The following TSPAN16 variants were observed in gnomAD, a reference collection of about 807,000 sequenced individuals.
TSPAN16 encodes tetraspanin-16.
TSPAN16 carries 23 observed loss-of-function variants against 25.2 expected under a neutral mutation model. That is an observed-to-expected ratio of 0.91 (90% confidence interval 0.66 to 1.29). TSPAN16 has a LOEUF of 1.29. TSPAN16 is among the 50% of genes most tolerant of loss of function. The probability of loss-of-function intolerance (pLI) is 0.00; values close to 1 mark genes in which losing one functional copy is unlikely to be tolerated. For missense variants in TSPAN16, 272 were observed against 299.9 expected (o/e 0.91, Z 0.69); for synonymous variants, 123 against 124.4 (o/e 0.99, Z 0.08).
intron 4 of TSPAN16, among the ~76,000 whole-genome samples, chr19:11,303,577 T>TA (rs1322861353): frequency 0.11 from 8,979 of 78,274 alleles, 534 homozygotes; most frequent in East Asian, 0.33. Flanking sequence ...ATAAATAAAT[T>TA]AAAAAAAAAA....
chr19:11,322,352 A>AAG (rs1363434242), intron 6 of TSPAN16: 1 of 151,332 alleles, frequency 6.6e-6, no homozygotes, highest in Non-Finnish European at 1.5e-5. Flanking sequence ...GAAAAAGAAG[A>AAG]AGAAAAAAAA....
Position 11,301,138 on chromosome 19 carries a change from C to G in TSPAN16, c.343-63C>G, listed in dbSNP as rs117954196. 3.8e-4 allele frequency: 529 copies of G among 1,393,634 alleles called. 1 individual carries two copies. In the East Asian group the frequency reaches 0.012, roughly 31 times the overall value. 86.3% of individuals were successfully genotyped at this position (1,393,634 alleles called of 1,614,324 possible). ...CCTCCCACTCTATCCTCAAGAACCT[C>G]GGCCAATGAACGGGCCACTCTTGCT... is the stretch of plus-strand genomic sequence containing the variant. On this transcript the variant is annotated intron_variant, in intron 3 of 6. Coordinates refer to ENST00000590327, the MANE Select transcript of TSPAN16 (RefSeq NM_001282509.2).
downstream of TSPAN16, chr19:11,316,047 C>A: frequency 1.2e-6 from 1 of 838,884 alleles, no homozygotes; most frequent in Non-Finnish European, 1.6e-6. Flanking sequence ...GAGACTATGC[C>A]CTTTCTCATA....
At chr19:11,300,975 A>C (rs986082876) in intron 3 of TSPAN16, 1 of 504,414 alleles carries the variant, frequency 2.0e-6, no homozygotes, top group Admixed American at 3.2e-5. Flanking sequence ...ACAGAGAGAT[A>C]CGCTTGGCTC....
chr19:11,303,751 T>A (rs1284973851), intron 4 of TSPAN16, among the ~76,000 whole-genome samples: 1 of 151,120 alleles, frequency 6.6e-6, no homozygotes, highest in Non-Finnish European at 1.5e-5. Flanking sequence ...TGCAGGAGTC[T>A]AATTTCTCCA....
intron 6 of TSPAN16, chr19:11,325,094 C>T (rs951168128): frequency 3.5e-5 from 10 of 288,176 alleles, no homozygotes; most frequent in South Asian, 1.9e-4. Flanking sequence ...AAGAGTGGGA[C>T]GTGTCACCCA....
intron 5 of TSPAN16, among the ~76,000 whole-genome samples, chr19:11,308,264 C>T (rs1472523698): frequency 1.3e-5 from 2 of 151,812 alleles, no homozygotes; most frequent in East Asian, 3.9e-4. Context: ...GAAATCAGAG[C>T]CAGGGCAACA....
At chr19:11,298,825 G>A (rs761973576) in intron 2 of TSPAN16, 47 bp from the exon 3 acceptor site, 2 of 1,568,342 alleles carry the variant, frequency 1.3e-6, no homozygotes. Context: ...AAGGTCGGGA[G>A]GAGGCTGAGC....
intron 5 of TSPAN16, among the ~76,000 whole-genome samples, chr19:11,310,432 T>C (rs1358609185): frequency 1.3e-5 from 2 of 151,706 alleles, no homozygotes; most frequent in African/African-American, 4.8e-5. Context: ...GGAGAATTGC[T>C]TGAACCCGGG....
At chr19:11,307,811 TC>T (rs1163045843) in intron 5 of TSPAN16, 1 of 152,190 alleles carries the variant, frequency 6.6e-6, no homozygotes, top group African/African-American at 2.4e-5. Flanking sequence ...TATTGAGTGT[TC>T]AGCTTATTTT....
intron 6 of TSPAN16, chr19:11,325,275 C>T (rs1023937898): frequency 7.6e-6 from 5 of 653,868 alleles, no homozygotes; most frequent in African/African-American, 7.4e-5. Flanking sequence ...ATGCAGGAGT[C>T]GGGGAGCAGT....
At position 11,314,710 on chromosome 19, in the gene TSPAN16, TG is replaced by T. The variant is rs1297466878; in HGVS notation, c.688-1077del. On this transcript the variant is annotated intron_variant, in intron 6 of 6. Coordinates refer to ENST00000590327, the MANE Select transcript of TSPAN16 (RefSeq NM_001282509.2). The stretch of plus-strand genomic sequence containing the variant: ...ATGAGGCGCCCAGGAGCTAAAGACA[TG>T]GGGAACTTTTATTTCTCCTAGGCCT... Among the ~76,000 whole-genome samples, 3 of 151,816 alleles carry T rather than the reference TG, an allele frequency of 2.0e-5. No homozygotes were observed. The East Asian group carries it at 5.8e-4, about 29-fold the overall frequency.
At chr19:11,326,838 G>A (rs1316322732) in exon 7 of TSPAN16, 3 of 663,372 alleles carry the variant, frequency 4.5e-6, no homozygotes, top group Non-Finnish European at 5.5e-6. Context: ...TTGAACTGCT[G>A]GCCTAAAGCG....
chr19:11,312,100 C>T (rs1364159623), intron 5 of TSPAN16, 39 bp from the exon 6 acceptor site: 1 of 1,555,218 alleles, frequency 6.4e-7, no homozygotes, highest in Non-Finnish European at 8.8e-7. Flanking sequence ...CCATAAGCCC[C>T]TAACCACCTC....
chr19:11,315,739 G>A (rs2080743028), intron 6 of TSPAN16, 52 bp from the exon 7 acceptor site: 2 of 1,210,426 alleles, frequency 1.7e-6, no homozygotes, highest in African/African-American at 3.1e-5. Flanking sequence ...GTATGATTCT[G>A]GTTTGGAGGT....
intron 1 of TSPAN16, 38 bp from the exon 2 acceptor site, chr19:11,298,104 C>T (rs1555702730): frequency 1.2e-6 from 2 of 1,601,978 alleles, no homozygotes; most frequent in South Asian, 2.2e-5. Context: ...ATACAACTAA[C>T]AGATTACTTT....
intron 2 of TSPAN16, among the ~76,000 whole-genome samples, chr19:11,298,560 G>A (rs765005145): frequency 6.6e-6 from 1 of 151,692 alleles, no homozygotes; most frequent in African/African-American, 2.4e-5. Flanking sequence ...TCAGCCTCCC[G>A]AGTAGCTGGG....
chr19:11,303,322 G>A (rs1442441803), intron 4 of TSPAN16, among the ~76,000 whole-genome samples: 1 of 144,658 alleles, frequency 6.9e-6, no homozygotes, highest in East Asian at 2.0e-4. Context: ...TAAGGGCGGT[G>A]CAAGATGTGC....
downstream of TSPAN16, among the ~76,000 whole-genome samples, chr19:11,320,852 T>C (rs2080774437): frequency 6.6e-6 from 1 of 151,984 alleles, no homozygotes; most frequent in Non-Finnish European, 1.5e-5. Flanking sequence ...TGGAAAGAAC[T>C]GCCCAAGACT....
Sources: allele counts gnomAD v4.1 joint callset (sites outside exome capture counted in the v4.1 genomes callset), GRCh38; gene constraint gnomAD v4.1.1; transcripts MANE v1.5; gene names NCBI Gene and HGNC (gene_info 2026-07-23, HGNC 2026-07-21).